Variants in GRB10 observed in about 807,000 individuals in gnomAD.
GRB10 encodes the protein growth factor receptor-bound protein 10.
GRB10 carries 20 observed loss-of-function variants against 80.9 expected under a neutral mutation model. The ratio of observed to expected loss-of-function variants is 0.25; its 90% confidence interval spans 0.17 to 0.36. The LOEUF is 0.36. GRB10 is among the 10% of genes least tolerant of loss of function. GRB10 has a pLI of 1.00. For synonymous variants in GRB10, 291 were observed against 291.5 expected, an observed-to-expected ratio of 1.00 and a Z score of 0.02; for missense variants, 548 against 747.7, an observed-to-expected ratio of 0.73 and a Z score of 3.12.
intron 7 of GRB10, among the ~76,000 whole-genome samples, chr7:50,638,547 T>C (rs931679739): frequency 1.6e-4 from 24 of 152,164 alleles, no homozygotes; most frequent in Non-Finnish European, 3.2e-4. Flanking sequence ...TGAGATATCA[T>C]CTTATACCAC....
At chr7:50,621,434 C>T (rs2051720690) in intron 8 of GRB10, among the ~76,000 whole-genome samples, 1 of 152,186 alleles carries the variant, frequency 6.6e-6, no homozygotes, top group South Asian at 2.1e-4. Flanking sequence ...CCAAGACAAA[C>T]AAAACATCAA....
chr7:50,661,770 C>T (rs1197541056), intron 7 of GRB10, among the ~76,000 whole-genome samples: 3 of 152,198 alleles, frequency 2.0e-5, no homozygotes, highest in Non-Finnish European at 4.4e-5. Context: ...GCCTCAGTTG[C>T]CCTTGCCACC....
intron 4 of GRB10, among the ~76,000 whole-genome samples, chr7:50,710,436 G>C (rs2065715886): frequency 6.6e-6 from 1 of 152,202 alleles, no homozygotes; most frequent in African/African-American, 2.4e-5. Flanking sequence ...TTCAACTAGA[G>C]CATCAAATGC....
intron 4 of GRB10, 82 bp downstream of exon 4, chr7:50,732,190 T>C: frequency 7.1e-7 from 1 of 1,416,158 alleles, no homozygotes; most frequent in Non-Finnish European, 1.0e-6. Context: ...ACAGAAACGA[T>C]CCATGGCTGC....
upstream of GRB10, among the ~76,000 whole-genome samples, chr7:50,783,454 C>T (rs1445991314): frequency 1.2e-5 from 1 of 85,694 alleles, no homozygotes; most frequent in East Asian, 4.0e-4. Flanking sequence ...ACACCACACA[C>T]ATCCCACCCA....
chr7:50,680,514 A>G (rs1298782129), intron 5 of GRB10, among the ~76,000 whole-genome samples: 2 of 152,230 alleles, frequency 1.3e-5, no homozygotes, highest in African/African-American at 4.8e-5. Context: ...GTCGTGGCCT[A>G]TGCTAATGGG....
intron 7 of GRB10, among the ~76,000 whole-genome samples, chr7:50,631,904 G>T (rs895166037): frequency 2.6e-5 from 4 of 152,252 alleles, no homozygotes; most frequent in Non-Finnish European, 5.9e-5. Context: ...ATCTAACCAG[G>T]GCTCCCCGCC....
intron 17 of GRB10, 127 bp downstream of exon 17, chr7:50,603,871 C>T: frequency 3.5e-6 from 3 of 862,232 alleles, no homozygotes; most frequent in Non-Finnish European, 6.0e-6. Flanking sequence ...CCTACCTTTT[C>T]TCCTCTTTAA....
chr7:50,669,703 C>T lies in GRB10; in HGVS notation c.504+19G>A. ...CTGGCATATCCCTCAGCCTGGGCTC[C>T]AGCCAGGGGCACACTCACCTGCTTT... is the stretch of plus-strand genomic sequence containing the variant. On this transcript the variant is annotated intron_variant, in intron 7 of 18. Transcript: ENST00000401949. 6.2e-7 allele frequency: 1 copy of T among 1,610,838 alleles called. No homozygotes were observed. Among genetic ancestry groups the T allele is most frequent in the Non-Finnish European group, 8.5e-7 (1 of 1,179,050 alleles).
intron 2 of GRB10, among the ~76,000 whole-genome samples, chr7:50,758,486 G>C (rs1178861922): frequency 2.0e-5 from 3 of 152,112 alleles, no homozygotes; most frequent in Admixed American, 1.3e-4. Flanking sequence ...AGTATCTTTG[G>C]TATCTTCCAA....
intron 17 of GRB10, among the ~76,000 whole-genome samples, chr7:50,602,231 T>A (rs1255373445): frequency 2.6e-5 from 4 of 152,220 alleles, no homozygotes; most frequent in Non-Finnish European, 4.4e-5. Flanking sequence ...TAGAAAATGA[T>A]GATTTTGGAA....
intron 3 of GRB10, chr7:50,747,562 A>T (rs933016077): frequency 1.3e-5 from 2 of 152,198 alleles, no homozygotes; most frequent in Non-Finnish European, 2.9e-5. Context: ...CCCAGAGCTG[A>T]CTGGGCAGAC....
intron 18 of GRB10, 100 bp from the exon 19 acceptor site, chr7:50,593,198 T>C (rs1430273792): frequency 1.5e-6 from 2 of 1,369,402 alleles, no homozygotes; most frequent in Non-Finnish European, 2.1e-6. Context: ...CATGATTTGA[T>C]TCCAGAGGGA....
intron 3 of GRB10, among the ~76,000 whole-genome samples, chr7:50,740,548 T>C (rs1292719185): frequency 1.3e-5 from 2 of 152,334 alleles, no homozygotes; most frequent in South Asian, 2.1e-4. Context: ...GTACCTTCCA[T>C]AAAAGCCAGA....
intron 5 of GRB10, among the ~76,000 whole-genome samples, chr7:50,691,357 T>C (rs575723934): frequency 3.3e-5 from 5 of 152,328 alleles, no homozygotes; most frequent in African/African-American, 1.2e-4. Flanking sequence ...AAATCCCAGC[T>C]CTGCCACTCT....
chr7:50,683,654 T>C (rs1448127998), intron 5 of GRB10, among the ~76,000 whole-genome samples: 1 of 152,076 alleles, frequency 6.6e-6, no homozygotes, highest in Non-Finnish European at 1.5e-5. Flanking sequence ...GGAGAATCGC[T>C]TGAACCCGGG....
In GRB10 at chr7:50,758,409, AAAAT is replaced by A. The variant is rs1336544647; in HGVS notation, c.-216-2357_-216-2354del. 5.3e-5 allele frequency among the ~76,000 whole-genome samples: 8 copies of A among 152,368 alleles called. No individual in the cohort carries two copies. The South Asian group carries it at 1.0e-3, about 20-fold the overall frequency. ...CTTAAAGAATATACTAACCTGGGGA[AAAAT>A]AAATAATGTCTTAACTTACTTCCAA... On this transcript the variant is annotated intron_variant, in intron 2 of 18. Coordinates refer to ENST00000401949, the MANE Select transcript of GRB10 (RefSeq NM_001350814.2).
chr7:50,763,969 G>T (rs562982568), intron 2 of GRB10, among the ~76,000 whole-genome samples: 1 of 152,340 alleles, frequency 6.6e-6, no homozygotes, highest in East Asian at 1.9e-4. Flanking sequence ...CCTGACGCGT[G>T]TGGCCCCTGC....
chr7:50,734,715 C>T (rs2070489397), intron 3 of GRB10, among the ~76,000 whole-genome samples: 1 of 152,200 alleles, frequency 6.6e-6, no homozygotes, highest in African/African-American at 2.4e-5. Flanking sequence ...GATGGCTTCT[C>T]CGCCAGGAAA....
Sources: allele counts gnomAD v4.1 joint callset (sites outside exome capture counted in the v4.1 genomes callset), GRCh38; gene constraint gnomAD v4.1.1; transcripts MANE v1.5; gene names NCBI Gene and HGNC (gene_info 2026-07-23, HGNC 2026-07-21).